Variants in PAFAH1B3 observed in about 807,000 individuals in gnomAD.
The protein encoded by PAFAH1B3 is platelet activating factor acetylhydrolase 1b catalytic subunit 3.
Under a neutral mutation model 24.4 loss-of-function variants are expected in PAFAH1B3, and 15 were observed. The ratio of observed to expected loss-of-function variants is 0.62; its 90% CI spans 0.41 to 0.95. The LOEUF (loss-of-function observed/expected upper bound fraction) is 0.95, where lower values mean the gene tolerates loss of function less well. Among genes scored for constraint, PAFAH1B3 ranks in the 40% least tolerant of loss-of-function variants. The pLI, the probability that PAFAH1B3 is intolerant of heterozygous loss-of-function variation, is 0.00. For synonymous variants in PAFAH1B3, 144 were observed against 126.5 expected (o/e 1.14, Z -0.93); for missense variants, 266 against 312.2 (o/e 0.85, Z 1.12).
intron 4 of PAFAH1B3, 128 bp downstream of exon 4, chr19:42,299,842 C>T: frequency 8.3e-7 from 1 of 1,209,720 alleles, no homozygotes; most frequent in Admixed American, 1.9e-5. Flanking sequence ...TAGCAAGCTC[C>T]AACGTGAGAT....
chr19:42,297,269 C>A lies in PAFAH1B3; in HGVS notation c.505G>T (p.Ala169Ser). The A allele has an allele frequency of 6.2e-7, 1 of 1,614,078 alleles. No individual in the cohort carries two copies. Among genetic ancestry groups the A allele is most frequent in the Admixed American group, 1.7e-5 (1 of 60,026 alleles). Reference protein sequence around the residue: ...VRAALAGHPRAHFLDADPGFV... With the variant: ...VRAALAGHPRSHFLDADPGFV... Reference sequence around the variant, plus strand: ...CCAGGGTCGGCATCTAGGAAGTGGGCCCGAGGGTGGCCAGCCAGTGCCGCC... The same window carrying A: ...CCAGGGTCGGCATCTAGGAAGTGGGACCGAGGGTGGCCAGCCAGTGCCGCC... Residue 169 changes from alanine (A) to serine (S), a missense_variant, in exon 5 of 5, where the codon GCC (alanine) becomes TCC (serine). Ala to Ser is a moderately conservative substitution (Grantham distance 99, BLOSUM62 1). Coordinates refer to ENST00000262890, the MANE Select transcript of PAFAH1B3 (RefSeq NM_002573.4).
chr19:42,302,635 A>G (rs2038656841), upstream of PAFAH1B3: 2 of 340,006 alleles, frequency 5.9e-6, no homozygotes, highest in Non-Finnish European at 1.1e-5. Context: ...AGGCGAGACC[A>G]TCCAGCTCCC....
chr19:42,298,390 C>T (rs576886141), intron 4 of PAFAH1B3, among the ~76,000 whole-genome samples: 1 of 152,160 alleles, frequency 6.6e-6, no homozygotes, highest in Non-Finnish European at 1.5e-5. Context: ...ACTGTGAAGG[C>T]TGAGGCAGGA....
chr19:42,300,125 G>A (rs779769536), intron 3 of PAFAH1B3, 33 bp from the exon 4 acceptor site: 4 of 1,613,754 alleles, frequency 2.5e-6, no homozygotes, highest in East Asian at 2.2e-5. Context: ...CAGCGGTGAG[G>A]GGGCAGCCAA....
chr19:42,300,894 A>G (rs1039669389), intron 2 of PAFAH1B3, among the ~76,000 whole-genome samples: 3 of 152,082 alleles, frequency 2.0e-5, no homozygotes, highest in Admixed American at 1.3e-4. Context: ...GGCTCATTGC[A>G]ATCTCTGCTT....
chr19:42,299,192 C>A (rs1356880904), intron 4 of PAFAH1B3, among the ~76,000 whole-genome samples: 1 of 151,364 alleles, frequency 6.6e-6, no homozygotes, highest in African/African-American at 2.4e-5. Context: ...TCTTGGCTCA[C>A]CCCAACCTCC....
At chr19:42,300,434 G>A (rs1239463613) in intron 2 of PAFAH1B3, 147 bp from the exon 3 acceptor site, 1 of 647,060 alleles carries the variant, frequency 1.5e-6, no homozygotes, top group East Asian at 2.6e-5. Flanking sequence ...TTTACCTGGA[G>A]CAAACTCCAG....
At chr19:42,300,393 G>A in intron 2 of PAFAH1B3, 106 bp from the exon 3 acceptor site, 2 of 945,940 alleles carry the variant, frequency 2.1e-6, no homozygotes, top group Non-Finnish European at 1.7e-6. Context: ...CATTATGGAA[G>A]AACCTTACTT....
rs1459841364 is a variant in PAFAH1B3 at position 42,297,129 on chromosome 19, C to G, written c.645G>C (p.Leu215=). The change falls in exon 5 of 5, where the codon CTG becomes CTC. Residue 215 remains leucine (L), a synonymous_variant. Transcript: ENST00000262890. ...CACCTTGGCCCTGGTCTTGGGCCAG[C>G]AGACGCAGAAGCAGGGAGTGCAGAG... ...CRALHSLLLR[L]LAQDQGQGAP... The G allele has an allele frequency of 3.1e-6, 5 of 1,612,054 alleles. No individual in the cohort carries two copies. The African/African-American group carries it at 5.3e-5, about 17-fold the overall frequency.
In PAFAH1B3 at chr19:42,302,428, C is replaced by A; in HGVS notation, c.-119G>T. 1 of 871,352 alleles carries A rather than the reference C, an allele frequency of 1.1e-6. No homozygotes were observed. The highest frequency in any genetic ancestry group is 1.7e-6 in the Non-Finnish European group (1 of 577,508). 54.0% of individuals were successfully genotyped at this position (871,352 alleles called of 1,614,324 possible). ...GCGGCAACAAAGGACCGTCCCAACGCTAGCACACCCGCGGAGGACGAAGGC... is the reference window on the plus strand; with the variant it reads ...GCGGCAACAAAGGACCGTCCCAACGATAGCACACCCGCGGAGGACGAAGGC... On this transcript the variant is annotated 5_prime_UTR_variant, in exon 1 of 5. Transcript: ENST00000262890.
At chr19:42,301,549 C>T (rs1658716332) in intron 2 of PAFAH1B3, among the ~76,000 whole-genome samples, 1 of 152,212 alleles carries the variant, frequency 6.6e-6, no homozygotes, top group South Asian at 2.1e-4. Context: ...TACAGTTGGA[C>T]ATGCTTTGTG....
chr19:42,302,334 T>A lies in PAFAH1B3; in HGVS notation c.-25A>T. ...TCTTGGCGCCGCAGCTCCTGCAGGA[T>A]GAGCGAGTCGGGTCGGCCCGGGAGT... On this transcript the variant is annotated 5_prime_UTR_variant, in exon 1 of 5. Coordinates refer to ENST00000262890, the MANE Select transcript of PAFAH1B3 (RefSeq NM_002573.4). 1 of 1,578,958 alleles carries A rather than the reference T, an allele frequency of 6.3e-7. No homozygotes were observed. The highest frequency in any genetic ancestry group is 1.1e-5 in the South Asian group (1 of 87,002).
At chr19:42,300,388 T>C (rs2038601561) in intron 2 of PAFAH1B3, 101 bp from the exon 3 acceptor site, 1 of 978,126 alleles carries the variant, frequency 1.0e-6, no homozygotes, top group Non-Finnish European at 1.6e-6. Flanking sequence ...AATGCCATTA[T>C]GGAAGAACCT....
In PAFAH1B3 at chr19:42,297,291, C is replaced by A; in HGVS notation, c.483G>T (p.Ala161=). The A allele has an allele frequency of 6.2e-7, 1 of 1,614,056 alleles. No homozygotes were observed. The highest frequency in any genetic ancestry group is 8.5e-7 in the Non-Finnish European group (1 of 1,179,994). The part of the protein sequence containing the change: ...KNRQVNELVR[A]ALAGHPRAHF... ...GGGCCCGAGGGTGGCCAGCCAGTGC[C>A]GCCCGTACCAGCTCGTTCACCTGTC... The change falls in exon 5 of 5, where the codon GCG becomes GCT. Residue 161 remains alanine, a synonymous_variant. Coordinates refer to ENST00000262890, the MANE Select transcript of PAFAH1B3 (RefSeq NM_002573.4).
rs759555406 is a variant in PAFAH1B3, at chr19:42,300,280, C to T, written c.176G>A (p.Arg59His). 134 of 1,614,012 alleles carry T rather than the reference C, an allele frequency of 8.3e-5. No homozygotes were observed. The highest frequency in any genetic ancestry group is 1.1e-4 in the Non-Finnish European group (128 of 1,180,002). The change falls in exon 3 of 5, where the codon CGC becomes CAC. Residue 59 changes from arginine (R) to histidine (H), a missense_variant. Arg to His is a conservative substitution (Grantham distance 29, BLOSUM62 0). Coordinates refer to ENST00000262890, the MANE Select transcript of PAFAH1B3 (RefSeq NM_002573.4). ...VQLMHQCEIW[R>H]ELFSPLHALN... ...TGCATGCAGAGGAGAGAAGAGCTCG[C>T]GCCAGATCTGTGGGCAAGAAGTGGT...
intron 4 of PAFAH1B3, among the ~76,000 whole-genome samples, chr19:42,297,902 A>G (rs960292009): frequency 6.6e-5 from 10 of 151,906 alleles, no homozygotes; most frequent in Non-Finnish European, 1.0e-4. Flanking sequence ...ACTTAGAAAA[A>G]TGTTGACATT....
intron 4 of PAFAH1B3, 198 bp downstream of exon 4, chr19:42,299,772 G>T (rs1490636427): frequency 2.8e-6 from 2 of 718,142 alleles, no homozygotes; most frequent in Non-Finnish European, 2.3e-6. Context: ...AGCCATCCCT[G>T]GGCAAAAAAG....
At chr19:42,299,893 C>G (rs1025686135) in intron 4 of PAFAH1B3, 77 bp downstream of exon 4, 3 of 1,580,552 alleles carry the variant, frequency 1.9e-6, no homozygotes, top group Non-Finnish European at 2.6e-6. Context: ...CTGCCTAGAA[C>G]TGTGCCAACT....
rs777599000 is a variant in PAFAH1B3, at chr19:42,300,257, C to T, written c.199G>A (p.Ala67Thr). ...TCACCACCAATGCCAAAGTTAAGTG[C>T]ATGCAGAGGAGAGAAGAGCTCGCGC... ...IWRELFSPLH[A>T]LNFGIGGDGT... Residue 67 changes from alanine to threonine, a missense_variant, in exon 3 of 5, where the codon GCA becomes ACA. Coordinates refer to ENST00000262890, the MANE Select transcript of PAFAH1B3 (RefSeq NM_002573.4). The T allele has an allele frequency of 1.2e-6, 2 of 1,614,228 alleles. No homozygotes were observed. The highest frequency in any genetic ancestry group is 1.7e-6 in the Non-Finnish European group (2 of 1,180,042).
Sources: gnomAD v4.1 joint callset for allele counts (sites outside exome capture counted in the v4.1 genomes callset) on GRCh38, gnomAD v4.1.1 for gene constraint, MANE v1.5 for transcripts, NCBI Gene and HGNC (gene_info 2026-07-23, HGNC 2026-07-21) for gene names.